Variants in MYO3A observed in about 807,000 individuals in gnomAD.
The protein encoded by MYO3A is myosin IIIA.
MYO3A carries 180 observed loss-of-function variants against 192.7 expected under a neutral mutation model. The observed-to-expected ratio is 0.93, with a 90% confidence interval of 0.83 to 1.06. The LOEUF is 1.06. Among genes scored for constraint, MYO3A ranks in the 50% least tolerant of loss-of-function variants. The pLI, the probability that MYO3A is intolerant of heterozygous loss-of-function variation, is 0.00. For synonymous variants in MYO3A, 628 were observed against 645.3 expected, an observed-to-expected ratio of 0.97 and a Z score of 0.41; for missense variants, 1,896 against 1,905.0, an observed-to-expected ratio of 1.00 and a Z score of 0.09.
intron 15 of MYO3A, among the ~76,000 whole-genome samples, chr10:26,091,499 G>A (rs529383638): frequency 6.6e-6 from 1 of 152,256 alleles, no homozygotes; most frequent in East Asian, 1.9e-4. Flanking sequence ...GTTTCCTCCT[G>A]TTACTACAGT....
chr10:25,965,616 T>A (rs1838208970), intron 4 of MYO3A, among the ~76,000 whole-genome samples: 1 of 152,036 alleles, frequency 6.6e-6, no homozygotes, highest in East Asian at 1.9e-4. Context: ...GACTTGCTTA[T>A]GATTTGTAGT....
At chr10:26,056,145 A>G (rs1043809970) in intron 10 of MYO3A, among the ~76,000 whole-genome samples, 1 of 152,218 alleles carries the variant, frequency 6.6e-6, no homozygotes, top group Non-Finnish European at 1.5e-5. Flanking sequence ...AGAGATGGGA[A>G]TTCTGAGAAG....
intron 19 of MYO3A, among the ~76,000 whole-genome samples, chr10:26,127,731 G>T (rs1477857170): frequency 1.3e-5 from 2 of 149,360 alleles, no homozygotes; most frequent in Non-Finnish European, 3.0e-5. Context: ...TTTCTTTGGG[G>T]AGGAGTAAAC....
intron 31 of MYO3A, among the ~76,000 whole-genome samples, chr10:26,183,945 G>A (rs899062021): frequency 3.3e-5 from 5 of 152,134 alleles, no homozygotes; most frequent in Admixed American, 2.0e-4. Context: ...AGAATTAAGG[G>A]TACGAAGGCT....
At chr10:26,056,991 G>C (rs1042403311) in intron 10 of MYO3A, among the ~76,000 whole-genome samples, 7 of 152,138 alleles carry the variant, frequency 4.6e-5, no homozygotes, top group African/African-American at 1.7e-4. Flanking sequence ...GAAAGCTACA[G>C]AGGAGAGAAT....
intron 17 of MYO3A, among the ~76,000 whole-genome samples, chr10:26,118,404 C>G (rs1838650310): frequency 6.6e-6 from 1 of 152,088 alleles, no homozygotes; most frequent in African/African-American, 2.4e-5. Flanking sequence ...CTGAAATACA[C>G]CCTACATCCA....
Position 26,163,162 on chromosome 10 carries a change from C to T in MYO3A, c.3000-2905C>T, listed in dbSNP as rs78997319. 6.1e-4 allele frequency among the ~76,000 whole-genome samples: 93 copies of T among 152,308 alleles called. No individual in the cohort carries two copies. In the East Asian group the frequency reaches 0.017, roughly 27 times the overall value. ...GGCAGAAGGGAGCTTGCATGGTAGT[C>T]ATCATGTGTGGCAAACAATTTAAAG... On this transcript the variant is annotated intron_variant, in intron 26 of 34. Coordinates refer to ENST00000642920, the MANE Select transcript of MYO3A (RefSeq NM_017433.5).
chr10:26,180,144 A>T (rs189802713), intron 31 of MYO3A, among the ~76,000 whole-genome samples: 243 of 152,282 alleles, frequency 1.6e-3, no homozygotes, highest in African/African-American at 5.7e-3. Context: ...CTCAATTATT[A>T]ATTTAGAGAT....
chr10:26,152,040 A>G (rs987092962), intron 23 of MYO3A, among the ~76,000 whole-genome samples: 1 of 152,198 alleles, frequency 6.6e-6, no homozygotes, highest in Non-Finnish European at 1.5e-5. Context: ...AACAGCATCT[A>G]TCCATCTAAT....
chr10:26,209,600 A>G (rs1399133817), intron 34 of MYO3A, among the ~76,000 whole-genome samples: 1 of 152,118 alleles, frequency 6.6e-6, no homozygotes, highest in African/African-American at 2.4e-5. Flanking sequence ...TTTAACACCT[A>G]TGTTACTCAT....
chr10:26,198,022 A>G (rs1843499095), intron 32 of MYO3A, among the ~76,000 whole-genome samples: 1 of 152,250 alleles, frequency 6.6e-6, no homozygotes, highest in African/African-American at 2.4e-5. Context: ...GAAGACTGTT[A>G]AATAATAGAC....
At chr10:26,163,851 G>T (rs1841597650) in intron 26 of MYO3A, among the ~76,000 whole-genome samples, 1 of 152,152 alleles carries the variant, frequency 6.6e-6, no homozygotes, top group African/African-American at 2.4e-5. Context: ...GAAAAAAATG[G>T]AACACTGTAG....
At chr10:26,019,090 T>C (rs1299412298) in intron 7 of MYO3A, among the ~76,000 whole-genome samples, 1 of 151,880 alleles carries the variant, frequency 6.6e-6, no homozygotes, top group South Asian at 2.1e-4. Context: ...ATCACAAACG[T>C]TTTTGCTCCC....
Position 26,070,246 on chromosome 10 carries a change from A to G in MYO3A, c.1275+31A>G, listed in dbSNP as rs760874002. On this transcript the variant is annotated intron_variant, in intron 13 of 34. Coordinates refer to ENST00000642920, the MANE Select transcript of MYO3A (RefSeq NM_017433.5). ...AAGAGTCTCCCATTCTTAGAAATTT[A>G]CCTCTTAGTTACTTAAATGTCACTT... The G allele has an allele frequency of 3.8e-6, 6 of 1,592,264 alleles. No individual in the cohort carries two copies. The African/African-American group carries it at 6.8e-5, about 18-fold the overall frequency.
chr10:26,016,901 G>A lies in MYO3A; in HGVS notation c.585+5G>A. 6.2e-7 allele frequency: 1 copy of A among 1,613,916 alleles called. No homozygotes were observed. The highest frequency in any genetic ancestry group is 2.2e-5 in the East Asian group (1 of 44,882). On this transcript the variant is annotated splice_donor_5th_base_variant and intron_variant, in intron 7 of 34. Coordinates refer to ENST00000642920, the MANE Select transcript of MYO3A (RefSeq NM_017433.5). ...CCGTTTTGGATGGCTCCTGAGGTCAGATAGAGTTTTGAGGCAGACAAACGT... is the reference window on the plus strand; with the variant it reads ...CCGTTTTGGATGGCTCCTGAGGTCAAATAGAGTTTTGAGGCAGACAAACGT...
intron 18 of MYO3A, among the ~76,000 whole-genome samples, chr10:26,122,523 A>T (rs1404187343): frequency 2.0e-5 from 3 of 152,128 alleles, no homozygotes; most frequent in Non-Finnish European, 4.4e-5. Flanking sequence ...CTTTATCATC[A>T]TTGTCACCAT....
chr10:26,070,963 G>A (rs1248368336), intron 14 of MYO3A, among the ~76,000 whole-genome samples: 6 of 151,930 alleles, frequency 3.9e-5, no homozygotes, highest in East Asian at 3.9e-4. Context: ...TTATTAAGAC[G>A]TCAGTCTTCT....
At chr10:26,019,235 A>G (rs1389763964) in intron 7 of MYO3A, among the ~76,000 whole-genome samples, 3 of 121,426 alleles carry the variant, frequency 2.5e-5, no homozygotes, top group African/African-American at 1.0e-4. Context: ...TTATTTATTT[A>G]TTTATTTATT....
At chr10:25,992,448 A>G in intron 4 of MYO3A, among the ~76,000 whole-genome samples, 1 of 152,250 alleles carries the variant, frequency 6.6e-6, no homozygotes, top group East Asian at 1.9e-4. Context: ...CAATCATGTC[A>G]TCTGCAAACA....
Sources: gnomAD v4.1 joint callset for allele counts (sites outside exome capture counted in the v4.1 genomes callset) on GRCh38, gnomAD v4.1.1 for gene constraint, MANE v1.5 for transcripts, NCBI Gene and HGNC (gene_info 2026-07-23, HGNC 2026-07-21) for gene names.